The following NKAIN2 variants were observed in gnomAD, a reference collection of about 807,000 sequenced individuals.
NKAIN2 encodes the protein sodium/potassium-transporting ATPase subunit beta-1-interacting protein 2.
A neutral mutation model predicts 32.6 loss-of-function variants in NKAIN2; 14 were observed. The observed-to-expected ratio is 0.43, with a 90% confidence interval of 0.28 to 0.67. The LOEUF (loss-of-function observed/expected upper bound fraction) is 0.67. NKAIN2 is among the 30% of genes least tolerant of loss of function. NKAIN2 has a pLI of 0.17. For synonymous variants in NKAIN2, 80 were observed against 87.2 expected (o/e 0.92, Z 0.46); for missense variants, 198 against 258.3 (o/e 0.77, Z 1.60).
intron 1 of NKAIN2, among the ~76,000 whole-genome samples, chr6:124,176,222 A>G (rs934405831): frequency 6.6e-5 from 10 of 152,198 alleles, no homozygotes; most frequent in African/African-American, 2.2e-4. Flanking sequence ...AAGTGAGCAC[A>G]TGCTGTTGGA....
intron 3 of NKAIN2, among the ~76,000 whole-genome samples, chr6:124,420,675 T>C (rs1774705695): frequency 6.6e-6 from 1 of 152,164 alleles, no homozygotes; most frequent in Non-Finnish European, 1.5e-5. Context: ...TGTTTGAGAT[T>C]GGCCAACTGT....
intron 2 of NKAIN2, among the ~76,000 whole-genome samples, chr6:124,345,775 C>A (rs1798391248): frequency 6.6e-6 from 1 of 151,940 alleles, no homozygotes; most frequent in Non-Finnish European, 1.5e-5. Context: ...TTGATCCTTT[C>A]AAAAAACCAG....
At chr6:124,075,008 A>G (rs1176476117) in intron 1 of NKAIN2, among the ~76,000 whole-genome samples, 1 of 152,206 alleles carries the variant, frequency 6.6e-6, no homozygotes, top group African/African-American at 2.4e-5. Flanking sequence ...ATGAAGGATG[A>G]ACGTACTTAC....
chr6:124,312,955 A>T (rs758501739), intron 2 of NKAIN2, among the ~76,000 whole-genome samples: 7 of 152,130 alleles, frequency 4.6e-5, no homozygotes, highest in East Asian at 1.9e-4. Context: ...TGCAAGGAGG[A>T]TGGGAGAAGA....
chr6:124,135,531 AAAAAAG>A (rs1367028262), intron 1 of NKAIN2, among the ~76,000 whole-genome samples: 12 of 151,224 alleles, frequency 7.9e-5, no homozygotes, highest in Non-Finnish European at 1.6e-4. Flanking sequence ...AAAAAAAAAA[AAAAAAG>A]AAGACATTAT....
intron 1 of NKAIN2, among the ~76,000 whole-genome samples, chr6:124,266,803 A>T (rs1174010085): frequency 6.6e-6 from 1 of 152,190 alleles, no homozygotes; most frequent in Non-Finnish European, 1.5e-5. Flanking sequence ...ATGGATGTGG[A>T]TATAAACAGT....
intron 1 of NKAIN2, among the ~76,000 whole-genome samples, chr6:123,923,678 A>G (rs1582786918): frequency 1.3e-5 from 2 of 151,272 alleles, no homozygotes; most frequent in African/African-American, 4.9e-5. Flanking sequence ...ATTCTCAGTA[A>G]ACTATCGCAA....
chr6:124,043,401 T>C (rs1374647176), intron 1 of NKAIN2, among the ~76,000 whole-genome samples: 1 of 151,822 alleles, frequency 6.6e-6, no homozygotes, highest in Non-Finnish European at 1.5e-5. Flanking sequence ...TTTACAGGAG[T>C]GCTAAAACGT....
chr6:124,052,128 G>A (rs571891382), intron 1 of NKAIN2, among the ~76,000 whole-genome samples: 14 of 152,106 alleles, frequency 9.2e-5, no homozygotes, highest in Non-Finnish European at 1.6e-4. Context: ...TTTCACACAC[G>A]TATTATTTGA....
intron 1 of NKAIN2, among the ~76,000 whole-genome samples, chr6:123,921,686 C>A (rs1316294625): frequency 1.3e-5 from 2 of 152,142 alleles, no homozygotes; most frequent in Non-Finnish European, 2.9e-5. Context: ...AAAGGAAAAG[C>A]ATTTCTTATT....
intron 3 of NKAIN2, among the ~76,000 whole-genome samples, chr6:124,474,384 G>T (rs1777100474): frequency 6.6e-6 from 1 of 152,054 alleles, no homozygotes; most frequent in South Asian, 2.1e-4. Flanking sequence ...GTTGGGATTT[G>T]GCTATAGTCT....
chr6:123,886,587 A>G (rs535727673), intron 1 of NKAIN2, among the ~76,000 whole-genome samples: 54 of 152,280 alleles, frequency 3.5e-4, no homozygotes, highest in African/African-American at 1.3e-3. Context: ...AAAATTGCTG[A>G]TTAAACAAAG....
chr6:124,698,349 G>GCCT lies in NKAIN2; in HGVS notation c.474+39964_474+39965insCTC, dbSNP rs200299241. Among the ~76,000 whole-genome samples the GCCT allele has an allele frequency of 8.8e-3, 1,335 of 152,216 alleles. 8 individuals are homozygous for GCCT. The highest frequency in any genetic ancestry group is 0.013 in the Non-Finnish European group (907 of 68,024). On this transcript the variant is annotated intron_variant, in intron 4 of 6. Coordinates refer to ENST00000368417, the MANE Select transcript of NKAIN2 (RefSeq NM_001040214.3). ...TTAGAAATCTCCACTAAAAGTGTTA[G>GCCT]CATAAAAAAATGTGCAGCTCCAGGG...
intron 4 of NKAIN2, among the ~76,000 whole-genome samples, chr6:124,773,271 T>G (rs1027700617): frequency 2.6e-5 from 4 of 151,946 alleles, no homozygotes; most frequent in African/African-American, 4.8e-5. Context: ...AGAATAACCC[T>G]TCAACAAGCC....
chr6:123,949,581 T>G (rs1324844667), intron 1 of NKAIN2, among the ~76,000 whole-genome samples: 1 of 151,904 alleles, frequency 6.6e-6, no homozygotes. Context: ...TGAGATTGCC[T>G]TCTTGATTTT....
chr6:124,338,065 T>C (rs758098403), intron 2 of NKAIN2, among the ~76,000 whole-genome samples: 5 of 152,208 alleles, frequency 3.3e-5, no homozygotes, highest in African/African-American at 4.8e-5. Context: ...TGTTTAAAAT[T>C]AATTACTTAT....
chr6:123,809,674 TA>T, intron 1 of NKAIN2, among the ~76,000 whole-genome samples: 1 of 152,288 alleles, frequency 6.6e-6, no homozygotes, highest in South Asian at 2.1e-4. Flanking sequence ...GCTTAATATA[TA>T]AAGAAATTAC....
chr6:124,581,178 G>A (rs533259617), intron 3 of NKAIN2, among the ~76,000 whole-genome samples: 1 of 152,078 alleles, frequency 6.6e-6, no homozygotes, highest in African/African-American at 2.4e-5. Flanking sequence ...GGTGGCTCAC[G>A]CCTGTAATCC....
intron 1 of NKAIN2, among the ~76,000 whole-genome samples, chr6:124,095,079 T>C (rs1469118594): frequency 1.3e-5 from 2 of 152,164 alleles, no homozygotes; most frequent in African/African-American, 4.8e-5. Context: ...TTAGAAATTC[T>C]TCTTCAAAAG....
Sources: gnomAD v4.1 joint callset for allele counts (sites outside exome capture counted in the v4.1 genomes callset) on GRCh38, gnomAD v4.1.1 for gene constraint, MANE v1.5 for transcripts, NCBI Gene and HGNC (gene_info 2026-07-23, HGNC 2026-07-21) for gene names.